DUOX1: variants seen among roughly 807,000 people sequenced by gnomAD.
DUOX1 encodes NADPH thyroid oxidase 1.
DUOX1 carries 134 observed loss-of-function variants against 181.8 expected under a neutral mutation model. The observed-to-expected ratio is 0.74, with a 90% CI of 0.64 to 0.85. DUOX1 has a LOEUF of 0.85. Ranked by LOEUF, DUOX1 falls within the 40% of genes least tolerant of loss-of-function variation. The pLI is 0.00. For synonymous variants in DUOX1, 798 were observed against 832.5 expected (o/e 0.96, Z 0.71); for missense variants, 1,814 against 2,064.4 (o/e 0.88, Z 2.35).
chr15:45,130,646 C>A (rs1896092680), intron 1 of DUOX1, among the ~76,000 whole-genome samples: 1 of 152,196 alleles, frequency 6.6e-6, no homozygotes, highest in African/African-American at 2.4e-5. Context: ...AAGTTACTGC[C>A]CCATCGTTGT....
rs550161003 is a variant in DUOX1, at chr15:45,151,880, G to A, written c.3021G>A (p.Thr1007=). ...EIRRRFGKKV[T]SFQPLLFTEA... ...AAGGCTTCCTGTCTCCCAGGGTAAC[G>A]TCATTCCAGCCCTTGCTGTTCACTG... The change falls in exon 24 of 34, where the codon ACG becomes ACA. Residue 1007 remains threonine, a synonymous_variant. Transcript: ENST00000389037. The A allele has an allele frequency of 1.4e-5, 23 of 1,612,242 alleles. No homozygotes were observed. Among genetic ancestry groups the A allele is most frequent in the South Asian group, 1.3e-4 (12 of 91,028 alleles).
chr15:45,141,253 C>T, intron 13 of DUOX1, 39 bp from the exon 14 acceptor site: 1 of 1,609,548 alleles, frequency 6.2e-7, no homozygotes, highest in Non-Finnish European at 8.5e-7. Context: ...GGCCTGCATC[C>T]CCTTCCCATC....
At chr15:45,141,233 G>A (rs1486420295) in intron 13 of DUOX1, 59 bp from the exon 14 acceptor site, 2 of 1,594,818 alleles carry the variant, frequency 1.3e-6, no homozygotes, top group African/African-American at 2.7e-5. Flanking sequence ...TTGGGCCTGG[G>A]GTTGCTGGAG....
intron 28 of DUOX1, among the ~76,000 whole-genome samples, chr15:45,158,392 T>C (rs909804804): frequency 6.6e-6 from 1 of 151,372 alleles, no homozygotes. Context: ...AACGCCTGAA[T>C]GGGGAACCAG....
Position 45,134,144 on chromosome 15 carries a change from G to A in DUOX1, c.143-1G>A, listed in dbSNP as rs1896222902. ...CCTTATCCTTACCCCTCCTACCCCA[G>A]GCTCCCGGCTGCAGCGCCTGGTCCC... is the stretch of plus-strand genomic sequence containing the variant. On this transcript the variant is annotated splice_acceptor_variant, in intron 3 of 33. Coordinates refer to ENST00000389037, the MANE Select transcript of DUOX1 (RefSeq NM_175940.3). LOFTEE classifies it high-confidence loss of function. 1 of 1,550,596 alleles carries A rather than the reference G, an allele frequency of 6.4e-7. No individual in the cohort carries two copies. The highest frequency in any genetic ancestry group is 2.3e-5 in the East Asian group (1 of 43,860).
intron 28 of DUOX1, among the ~76,000 whole-genome samples, chr15:45,159,426 T>C (rs894257251): frequency 6.6e-6 from 1 of 152,252 alleles, no homozygotes; most frequent in African/African-American, 2.4e-5. Context: ...AGGTGGTCAC[T>C]AGTGCCTCAG....
chr15:45,151,721 G>A, intron 23 of DUOX1, 153 bp from the exon 24 acceptor site: 1 of 767,466 alleles, frequency 1.3e-6, no homozygotes, highest in Non-Finnish European at 2.1e-6. Context: ...GATGCGGTGA[G>A]GTCTGAACCC....
In DUOX1 at chr15:45,136,373, G is replaced by C. The variant is rs1179696732; in HGVS notation, c.888G>C (p.Leu296=). The C allele has an allele frequency of 6.2e-7, 1 of 1,613,854 alleles. No homozygotes were observed. Among genetic ancestry groups the C allele is most frequent in the African/African-American group, 1.3e-5 (1 of 74,912 alleles). The change falls in exon 8 of 34, where the codon CTG becomes CTC. Residue 296 remains leucine, a synonymous_variant. Coordinates refer to ENST00000389037, the MANE Select transcript of DUOX1 (RefSeq NM_175940.3). ...TYQNIAVYEW[L]PSFLQKTLPE... The stretch of plus-strand genomic sequence containing the variant: ...AGAACATCGCTGTGTATGAGTGGCT[G>C]CCCAGCTTCCTGCAGAAAACACTCC...
chr15:45,151,772 T>A, intron 23 of DUOX1, 102 bp from the exon 24 acceptor site: 1 of 1,236,742 alleles, frequency 8.1e-7, no homozygotes, highest in Non-Finnish European at 1.1e-6. Context: ...TCGGAAGCAG[T>A]GGGCTTCCCT....
chr15:45,150,455 G>C lies in DUOX1; in HGVS notation c.2819-177G>C, dbSNP rs562971445. On this transcript the variant is annotated intron_variant, in intron 21 of 33. Transcript: ENST00000389037. Reference sequence around the variant, plus strand: ...CCTTTTCCCTGCCCACCTATGGCTGGGTCCAGCTCCCATTGGGGACAAGGG... The same window carrying C: ...CCTTTTCCCTGCCCACCTATGGCTGCGTCCAGCTCCCATTGGGGACAAGGG... 26 of 601,926 alleles carry C rather than the reference G, an allele frequency of 4.3e-5. 1 individual carries two copies. Among genetic ancestry groups the C allele is most frequent in the South Asian group, 4.0e-4 (19 of 47,810 alleles). 37.3% of individuals were successfully genotyped at this position (601,926 alleles called of 1,614,324 possible).
intron 31 of DUOX1, among the ~76,000 whole-genome samples, chr15:45,163,008 G>A (rs1372980486): frequency 6.6e-6 from 1 of 152,208 alleles, no homozygotes; most frequent in Admixed American, 6.5e-5. Flanking sequence ...TTCAGAGGGT[G>A]ACAGCTCCCC....
At chr15:45,149,666 T>TA (rs1896755828) in intron 21 of DUOX1, among the ~76,000 whole-genome samples, 1 of 152,108 alleles carries the variant, frequency 6.6e-6, no homozygotes, top group Admixed American at 6.5e-5. Flanking sequence ...CTGGCCAACA[T>TA]AGAGAAACCC....
rs578235100 is a variant in DUOX1, at chr15:45,154,092, C to T, written c.3574+92C>T. ...CACCCCAGAGCAACCCACGTTCACT[C>T]ACTCAGCTCTTCCGGTGACCCAGGC... On this transcript the variant is annotated intron_variant, in intron 27 of 33. Coordinates refer to ENST00000389037, the MANE Select transcript of DUOX1 (RefSeq NM_175940.3). 7.5e-5 allele frequency: 90 copies of T among 1,200,740 alleles called. No homozygotes were observed. The African/African-American group carries it at 1.1e-3, about 15-fold the overall frequency. 74.4% of individuals were successfully genotyped at this position (1,200,740 alleles called of 1,614,324 possible).
At chr15:45,149,012 A>T (rs1434357722) in intron 21 of DUOX1, among the ~76,000 whole-genome samples, 1 of 151,830 alleles carries the variant, frequency 6.6e-6, no homozygotes, top group Non-Finnish European at 1.5e-5. Context: ...CCTTCCCCCT[A>T]CTTCCTGCCC....
Position 45,163,471 on chromosome 15 carries a change from C to A in DUOX1, c.4249-61C>A, listed in dbSNP as rs192647100. The A allele has an allele frequency of 3.1e-3, 4,911 of 1,604,148 alleles. 31 individuals carry two copies. In the Middle Eastern group the frequency reaches 0.031, roughly 10 times the overall value. ...CAGAAGAGTTCTATCAGTATGGACA[C>A]CCCTGGGGTTTAGGGAGACTGAGCT... On this transcript the variant is annotated intron_variant, in intron 31 of 33. Coordinates refer to ENST00000389037, the MANE Select transcript of DUOX1 (RefSeq NM_175940.3).
Position 45,139,164 on chromosome 15 carries a change from G to A in DUOX1, c.1212G>A (p.Val404=), listed in dbSNP as rs141825485. The A allele has an allele frequency of 1.2e-4, 199 of 1,614,194 alleles. 1 individual carries two copies. The African/African-American group carries it at 2.3e-3, about 19-fold the overall frequency. ...AGGACCATGTGTTGGTTGAAGATGT[G>A]CGGGGTGAGTCTGAGGCTGTCCCTG... The part of the protein sequence containing the change: ...EREDHVLVED[V]RDFWPGPLKF... Residue 404 remains valine (V), a synonymous_variant, in exon 11 of 34, where the codon GTG becomes GTA. Transcript: ENST00000389037.
rs558414165 is a variant in DUOX1, at chr15:45,135,697, G to A, written c.697+22G>A. 783 of 1,445,980 alleles carry A rather than the reference G, an allele frequency of 5.4e-4. 2 individuals carry two copies. In the African/African-American group the frequency reaches 0.01, roughly 19 times the overall value. 89.6% of individuals were successfully genotyped at this position (1,445,980 alleles called of 1,614,324 possible). The stretch of plus-strand genomic sequence containing the variant: ...TACGGTGAGGCCACAGGGGCGGGAC[G>A]GGGCCGGCTGGGGGTCTGCGAGTGT... On this transcript the variant is annotated intron_variant, in intron 6 of 33. Coordinates refer to ENST00000389037, the MANE Select transcript of DUOX1 (RefSeq NM_175940.3).
Position 45,139,474 on chromosome 15 carries a change from A to G in DUOX1, c.1264A>G (p.Ser422Gly). Reference protein sequence around the residue: ...LKFSRTDHLASCLQRGRDLGL... With the variant: ...LKFSRTDHLAGCLQRGRDLGL... Reference sequence around the variant, plus strand: ...GTTTTCCCGCACAGACCACCTGGCCAGCTGCCTGCAGCGGGGCCGGGATCT... The same window carrying G: ...GTTTTCCCGCACAGACCACCTGGCCGGCTGCCTGCAGCGGGGCCGGGATCT... Residue 422 changes from serine to glycine, a missense_variant, in exon 12 of 34, where the codon AGC (serine) becomes GGC (glycine). Ser to Gly is a moderately conservative substitution (Grantham distance 56, BLOSUM62 0). Transcript: ENST00000389037. 1 of 1,612,910 alleles carries G rather than the reference A, an allele frequency of 6.2e-7. No homozygotes were observed. Among genetic ancestry groups the G allele is most frequent in the Non-Finnish European group, 8.5e-7 (1 of 1,179,702 alleles).
At chr15:45,163,988 T>G in intron 33 of DUOX1, 70 bp downstream of exon 33, 4 of 1,569,170 alleles carry the variant, frequency 2.5e-6, no homozygotes, top group Non-Finnish European at 3.5e-6. Context: ...TCCCAAACCT[T>G]CCCCATCGAG....
Sources: gnomAD v4.1 joint callset for allele counts (sites outside exome capture counted in the v4.1 genomes callset) on GRCh38, gnomAD v4.1.1 for gene constraint, MANE v1.5 for transcripts, NCBI Gene and HGNC (gene_info 2026-07-23, HGNC 2026-07-21) for gene names.